SCML2: variants seen among roughly 807,000 people sequenced by gnomAD.
SCML2 encodes the protein sex comb on midleg-like protein 2.
A neutral mutation model predicts 48.4 loss-of-function variants in SCML2; 6 were observed. The ratio of observed to expected loss-of-function variants is 0.12; its 90% confidence interval spans 0.07 to 0.24. The LOEUF is 0.24. Among genes scored for constraint, SCML2 ranks in the 10% least tolerant of loss-of-function variants. The pLI is 1.00. For synonymous variants in SCML2, 181 were observed against 189.5 expected (o/e 0.95, Z 0.37); for missense variants, 377 against 528.2 (o/e 0.71, Z 2.81).
At chrX:18,324,223 C>A in intron 4 of SCML2, 130 bp from the exon 5 acceptor site, 1 of 457,077 alleles carries the variant, frequency 2.2e-6, no homozygotes, top group Non-Finnish European at 3.8e-6. Context: ...GAGGTCAGAG[C>A]TGTAAGAGTC....
intron 3 of SCML2, 105 bp from the exon 4 acceptor site, chrX:18,325,082 A>G: frequency 2.5e-6 from 1 of 392,480 alleles, no homozygotes. Context: ...CATGCCTCTT[A>G]AAAGAAAAAA....
chrX:18,334,020 A>C (rs1450764144), intron 2 of SCML2, 30 bp downstream of exon 2: 1 of 1,163,385 alleles, frequency 8.6e-7, no homozygotes, highest in East Asian at 3.0e-5. Flanking sequence ...GTAACTAAAA[A>C]CATTATTGCC....
At chrX:18,311,375 C>A (rs1327731630) in intron 6 of SCML2, among the ~76,000 whole-genome samples, 4 of 107,474 alleles carry the variant, frequency 3.7e-5, no homozygotes, top group Non-Finnish European at 5.8e-5. Context: ...AAAACACATA[C>A]ATTAGAAATG....
At position 18,256,880 on chromosome X, in the gene SCML2, T is replaced by C. The variant is rs1481292900; in HGVS notation, c.1424A>G (p.His475Arg). The part of the protein sequence containing the change: ...QPFSSSRGHT[H>R]SSAEHDKNQS... ...ATTTTTATCATGCTCTGCAGAGCTG[T>C]GAGTATGACCCCTGGAAGAACTAAA... Residue 475 changes from histidine to arginine, a missense_variant, in exon 11 of 15, where the codon CAC (histidine) becomes CGC (arginine). His to Arg is a conservative substitution (Grantham distance 29). Coordinates refer to ENST00000251900, the MANE Select transcript of SCML2 (RefSeq NM_006089.3). 4 of 1,201,104 alleles carry C rather than the reference T, an allele frequency of 3.3e-6. No individual in the cohort carries two copies. The highest frequency in any genetic ancestry group is 2.3e-5 in the Admixed American group (1 of 44,052).
intron 7 of SCML2, among the ~76,000 whole-genome samples, chrX:18,285,205 T>A (rs776083887): frequency 5.4e-5 from 6 of 110,771 alleles, no homozygotes; most frequent in Non-Finnish European, 1.1e-4. Context: ...TTACTGAGTA[T>A]ATACCCAAAG....
chrX:18,255,198 C>G (rs997631188), intron 11 of SCML2, among the ~76,000 whole-genome samples: 17 of 112,180 alleles, frequency 1.5e-4, no homozygotes, highest in Non-Finnish European at 3.0e-4. Flanking sequence ...TTTATTGCTC[C>G]TACTTCATGC....
intron 1 of SCML2, among the ~76,000 whole-genome samples, chrX:18,349,485 A>G (rs1443731205): frequency 1.8e-5 from 2 of 112,588 alleles, no homozygotes; most frequent in African/African-American, 3.2e-5. Context: ...AGATATCTCC[A>G]TTGCTTATGT....
At chrX:18,344,554 T>C (rs1242016841) in intron 1 of SCML2, among the ~76,000 whole-genome samples, 1 of 111,513 alleles carries the variant, frequency 9.0e-6, no homozygotes, top group Non-Finnish European at 1.9e-5. Context: ...GGGAGATAAA[T>C]GAATCATGAG....
intron 6 of SCML2, among the ~76,000 whole-genome samples, chrX:18,317,598 C>T (rs1419051360): frequency 1.8e-5 from 2 of 110,686 alleles, no homozygotes; most frequent in African/African-American, 6.6e-5. Flanking sequence ...TTTGGGAGGC[C>T]GAGGCGGGCG....
At chrX:18,261,006 T>A (rs1270687517) in intron 8 of SCML2, among the ~76,000 whole-genome samples, 1 of 109,332 alleles carries the variant, frequency 9.1e-6, no homozygotes, top group East Asian at 2.8e-4. Context: ...AGAGGGCATT[T>A]AAAAGGCAGG....
intron 7 of SCML2, among the ~76,000 whole-genome samples, chrX:18,267,824 C>T (rs1182222531): frequency 1.8e-5 from 2 of 111,030 alleles, no homozygotes; most frequent in African/African-American, 6.6e-5. Flanking sequence ...TCTCAATCTC[C>T]TGACCTCGTG....
intron 7 of SCML2, among the ~76,000 whole-genome samples, chrX:18,303,531 A>T (rs1001884043): frequency 8.9e-6 from 1 of 111,878 alleles, no homozygotes; most frequent in African/African-American, 3.3e-5. Flanking sequence ...TCCAGCCAAG[A>T]CTGGAAGACT....
At chrX:18,290,007 A>C (rs748787200) in intron 7 of SCML2, among the ~76,000 whole-genome samples, 2 of 111,752 alleles carry the variant, frequency 1.8e-5, no homozygotes, top group African/African-American at 3.2e-5. Context: ...TAAAGTGACC[A>C]GTTACATTTT....
chrX:18,315,345 A>C (rs1929086877), intron 6 of SCML2, among the ~76,000 whole-genome samples: 1 of 111,257 alleles, frequency 9.0e-6, no homozygotes, highest in Admixed American at 9.6e-5. Context: ...AGGACCTAAC[A>C]GGCCATATTG....
chrX:18,295,502 T>G lies in SCML2; in HGVS notation c.730+9470A>C, dbSNP rs1270216852. 2.3e-4 allele frequency among the ~76,000 whole-genome samples: 25 copies of G among 110,377 alleles called. No homozygotes were observed. In the Admixed American group the frequency reaches 2.4e-3, roughly 11 times the overall value. On this transcript the variant is annotated intron_variant, in intron 7 of 14. Coordinates refer to ENST00000251900, the MANE Select transcript of SCML2 (RefSeq NM_006089.3). ...CAGCCTGTTGCAGGCACTGTTAACA[T>G]GAACACATGCTGCTTTGGGGCCCAA...
At position 18,324,113 on chromosome X, in the gene SCML2, T is replaced by G. The variant is rs1823020777; in HGVS notation, c.163-20A>C. 9.5e-7 allele frequency: 1 copy of G among 1,050,026 alleles called. No individual in the cohort carries two copies. The highest frequency in any genetic ancestry group is 1.3e-6 in the Non-Finnish European group (1 of 764,817). The allele number at this position is 1,050,026 out of a possible 1,213,427, so 86.5% of individuals were successfully genotyped here. A position where few individuals can be genotyped will look rare whatever the true frequency, so the allele number is the denominator to read the frequency against. ...CTGAGACTATATATATAAATAAAAT[T>G]TGGTTAAAATGCATCAACTATAAGA... On this transcript the variant is annotated intron_variant, in intron 4 of 14. Transcript: ENST00000251900.
intron 6 of SCML2, among the ~76,000 whole-genome samples, chrX:18,315,565 C>G (rs1019238267): frequency 1.8e-5 from 2 of 111,138 alleles, no homozygotes; most frequent in Non-Finnish European, 3.8e-5. Context: ...GTCACTTATG[C>G]CAAACCCTAA....
intron 4 of SCML2, among the ~76,000 whole-genome samples, chrX:18,324,672 C>T (rs1250518997): frequency 8.9e-6 from 1 of 111,976 alleles, no homozygotes. Context: ...AGTTATCACA[C>T]TTCTCATAAT....
intron 7 of SCML2, among the ~76,000 whole-genome samples, chrX:18,297,296 C>G (rs1355190504): frequency 8.9e-6 from 1 of 112,327 alleles, no homozygotes; most frequent in Non-Finnish European, 1.9e-5. Context: ...AAGCTGAAAG[C>G]CTTTCCTCTA....
Sources: allele counts gnomAD v4.1 joint callset (sites outside exome capture counted in the v4.1 genomes callset), GRCh38; gene constraint gnomAD v4.1.1; transcripts MANE v1.5; gene names NCBI Gene and HGNC (gene_info 2026-07-23, HGNC 2026-07-21).